The following CPT1A variants were observed in gnomAD, a reference collection of about 807,000 sequenced individuals.
CPT1A encodes carnitine O-palmitoyltransferase 1, liver isoform.
A neutral mutation model predicts 100.8 loss-of-function variants in CPT1A; 64 were observed. The observed-to-expected ratio is 0.63, with a 90% CI of 0.52 to 0.78. The LOEUF (loss-of-function observed/expected upper bound fraction) is 0.78. Among genes scored for constraint, CPT1A ranks in the 30% least tolerant of loss-of-function variants. The pLI is 0.00. For missense variants in CPT1A, 802 were observed against 1,034.1 expected (o/e 0.78, Z 3.08); for synonymous variants, 363 against 396.0 (o/e 0.92, Z 0.99).
chr11:68,833,077 C>T (rs1041924879), intron 1 of CPT1A, among the ~76,000 whole-genome samples: 1 of 152,206 alleles, frequency 6.6e-6, no homozygotes, highest in Non-Finnish European at 1.5e-5. Flanking sequence ...TGCCAGCCTC[C>T]GGGACTGGCT....
At chr11:68,820,015 CGTTTGTTTGTTTGTTT>C (rs36030703) in intron 1 of CPT1A, among the ~76,000 whole-genome samples, 7 of 150,234 alleles carry the variant, frequency 4.7e-5, no homozygotes, top group Non-Finnish European at 1.0e-4. Flanking sequence ...ACAGTTTGCA[CGTTTGTTTGTTTGTTT>C]GTTTGTTTGT....
intron 1 of CPT1A, among the ~76,000 whole-genome samples, chr11:68,822,733 G>A (rs988928690): frequency 6.6e-6 from 1 of 152,126 alleles, no homozygotes; most frequent in Admixed American, 6.6e-5. Flanking sequence ...CATCCATACT[G>A]TGGAATAGTA....
At chr11:68,823,996 C>T (rs991253843) in intron 1 of CPT1A, among the ~76,000 whole-genome samples, 11 of 152,032 alleles carry the variant, frequency 7.2e-5, no homozygotes, top group African/African-American at 2.2e-4. Flanking sequence ...CCTGTAATCC[C>T]AGCACTTTGG....
chr11:68,817,196 G>T (rs570926799), intron 1 of CPT1A, among the ~76,000 whole-genome samples: 22 of 151,628 alleles, frequency 1.5e-4, no homozygotes, highest in African/African-American at 5.3e-4. Context: ...GTGTGTGCGT[G>T]TTCTCACCAC....
chr11:68,795,214 G>A (rs1594346159), intron 7 of CPT1A, among the ~76,000 whole-genome samples: 1 of 152,208 alleles, frequency 6.6e-6, no homozygotes, highest in African/African-American at 2.4e-5. Flanking sequence ...GGAGCAATTA[G>A]ACAATCAGGA....
chr11:68,759,154 G>C (rs1310763872), intron 18 of CPT1A, among the ~76,000 whole-genome samples: 1 of 151,986 alleles, frequency 6.6e-6, no homozygotes, highest in Non-Finnish European at 1.5e-5. Context: ...AGCACTTTGG[G>C]AGGTCGAGGC....
In CPT1A at chr11:68,757,678, G is replaced by A; in HGVS notation, c.2288C>T (p.Thr763Ile). 1 of 1,614,158 alleles carries A rather than the reference G, an allele frequency of 6.2e-7. No homozygotes were observed. ...GGAATTAGAACTGAGACCAAACAAA[G>A]TGATGATGTCAGTCATTGCTTCTTT... ...HLKEAMTDII[T>I]LFGLSSNSKK The change falls in exon 19 of 19, where the codon ACT (threonine) becomes ATT (isoleucine). Residue 763 changes from threonine to isoleucine, a missense_variant. Around this residue, in one of 4 missense-constraint regions of CPT1A, gnomAD observed 627 missense variants for 799.3 expected, o/e 0.78. Transcript: ENST00000265641.
Position 68,804,045 on chromosome 11 carries a change from C to T in CPT1A, c.510G>A (p.Ser170=), listed in dbSNP as rs766492086. Reference sequence around the variant, plus strand: ...CAGCCGGGACCGGCAGGCGAGGCAGCGATGTCTGGAAGCTGTACAACATGG... The same window carrying T: ...CAGCCGGGACCGGCAGGCGAGGCAGTGATGTCTGGAAGCTGTACAACATGG... ...RKPMLYSFQT[S]LPRLPVPAVK... is the part of the protein sequence containing the mutation. Residue 170 remains serine, a synonymous_variant, in exon 5 of 19, where the codon TCG becomes TCA. Transcript: ENST00000265641. 12 of 1,613,902 alleles carry T rather than the reference C, an allele frequency of 7.4e-6. No individual in the cohort carries two copies. Among genetic ancestry groups the T allele is most frequent in the Admixed American group, 1.7e-5 (1 of 59,986 alleles).
chr11:68,824,419 G>C (rs1440329489), intron 1 of CPT1A, among the ~76,000 whole-genome samples: 1 of 152,156 alleles, frequency 6.6e-6, no homozygotes, highest in Middle Eastern at 3.4e-3. Flanking sequence ...AACCCCACCA[G>C]TATGCAAAAT....
At chr11:68,758,450 G>A (rs572146889) in intron 18 of CPT1A, among the ~76,000 whole-genome samples, 54 of 152,198 alleles carry the variant, frequency 3.5e-4, no homozygotes, top group Admixed American at 4.6e-4. Context: ...AGAGGAAGCC[G>A]GGGGTCCCCT....
chr11:68,786,149 C>T, intron 9 of CPT1A: 1 of 682,878 alleles, frequency 1.5e-6, no homozygotes, highest in Non-Finnish European at 2.7e-6. Flanking sequence ...ATTGCTTGAG[C>T]CCAGGAGTTT....
intron 1 of CPT1A, among the ~76,000 whole-genome samples, chr11:68,835,717 T>TG (rs372547278): frequency 1.9e-3 from 289 of 152,056 alleles, no homozygotes; most frequent in African/African-American, 6.7e-3. Context: ...GGGTAGGGAG[T>TG]GGGGGCCTCC....
intron 9 of CPT1A, among the ~76,000 whole-genome samples, chr11:68,786,541 T>G (rs1855467234): frequency 6.6e-6 from 1 of 152,228 alleles, no homozygotes; most frequent in Non-Finnish European, 1.5e-5. Flanking sequence ...GATCTCATGT[T>G]TTTTTTGAGA....
At chr11:68,762,227 C>T (rs1854647108) in intron 15 of CPT1A, among the ~76,000 whole-genome samples, 1 of 152,308 alleles carries the variant, frequency 6.6e-6, no homozygotes, top group Admixed American at 6.5e-5. Flanking sequence ...CACTTGGGGC[C>T]CAGCGTGGCA....
At chr11:68,765,940 T>C (rs1321277352) in intron 14 of CPT1A, among the ~76,000 whole-genome samples, 1 of 151,800 alleles carries the variant, frequency 6.6e-6, no homozygotes, top group Non-Finnish European at 1.5e-5. Flanking sequence ...GGTGTGATCT[T>C]GGCTTACTGC....
upstream of CPT1A, among the ~76,000 whole-genome samples, chr11:68,842,869 C>G (rs1049533533): frequency 6.6e-6 from 1 of 152,162 alleles, no homozygotes; most frequent in Non-Finnish European, 1.5e-5. Context: ...CCGGGAGCCA[C>G]CCCTCCCCTA....
chr11:68,824,773 T>C (rs984874030), intron 1 of CPT1A, among the ~76,000 whole-genome samples: 3 of 150,610 alleles, frequency 2.0e-5, no homozygotes, highest in African/African-American at 7.3e-5. Flanking sequence ...CATCCTAACA[T>C]ATTGCTACAT....
chr11:68,838,572 T>TAAAAAAAAAAAAAACAAAA (rs1857072373), intron 1 of CPT1A, among the ~76,000 whole-genome samples: 1 of 95,514 alleles, frequency 1.0e-5, no homozygotes, highest in Non-Finnish European at 1.8e-5. Flanking sequence ...TGCACCTTTT[T>TAAAAAAAAAAAAAACAAAA]AAAAAAAAAA....
chr11:68,782,013 G>A (rs1203627174), intron 10 of CPT1A, 54 bp from the exon 11 acceptor site: 37 of 1,500,826 alleles, frequency 2.5e-5, no homozygotes, highest in Middle Eastern at 1.7e-4. Context: ...GCGATGGAGC[G>A]TGATGTTTGA....
Sources: allele counts gnomAD v4.1 joint callset (sites outside exome capture counted in the v4.1 genomes callset), GRCh38; gene constraint gnomAD v4.1.1; regional missense constraint gnomAD v4.1.1; transcripts MANE v1.5; gene names NCBI Gene and HGNC (gene_info 2026-07-23, HGNC 2026-07-21).